Variants in SI observed in about 807,000 individuals in gnomAD.
SI encodes the protein sucrase-isomaltase, intestinal.
SI carries 235 observed loss-of-function variants against 253.3 expected under a neutral mutation model. That is an observed-to-expected ratio of 0.93 (90% confidence interval 0.83 to 1.03). The LOEUF is 1.03. Among genes scored for constraint, SI ranks in the 50% least tolerant of loss-of-function variants. The probability of loss-of-function intolerance (pLI) is 0.00; values close to 1 mark genes in which losing one functional copy is unlikely to be tolerated. For missense variants in SI, 2,442 were observed against 2,211.1 expected (o/e 1.10, Z -2.09); for synonymous variants, 819 against 712.0 (o/e 1.15, Z -2.39).
In SI at chr3:164,989,371, AG is replaced by A. The variant is rs1355794690; in HGVS notation, c.5108+1981del. On this transcript the variant is annotated intron_variant, in intron 44 of 47. Coordinates refer to ENST00000264382, the MANE Select transcript of SI (RefSeq NM_001041.4). Reference sequence around the variant, plus strand: ...AGAGAAAGAAGAAAGAAAGAAAGAAAGGAAGAAAGAAAGAAAGGAAGAAAGA... The same window carrying A: ...AGAGAAAGAAGAAAGAAAGAAAGAAAGAAGAAAGAAAGAAAGGAAGAAAGA... Among the ~76,000 whole-genome samples, 691 of 120,296 alleles carry A rather than the reference AG, an allele frequency of 5.7e-3. 4 individuals carry two copies. Among genetic ancestry groups the A allele is most frequent in the African/African-American group, 0.021 (645 of 30,922 alleles). The allele number at this position is 120,296 out of a possible 152,430, so 78.9% of individuals were successfully genotyped here. A position where few individuals can be genotyped will look rare whatever the true frequency, so the allele number is the denominator to read the frequency against.
upstream of SI, among the ~76,000 whole-genome samples, chr3:165,080,939 A>C (rs896503058): frequency 1.3e-5 from 2 of 151,940 alleles, no homozygotes; most frequent in Non-Finnish European, 2.9e-5. Flanking sequence ...CAGAAAAAAA[A>C]AACTTTGTGT....
In SI at chr3:165,055,399, AAAT is replaced by A; in HGVS notation, c.1399-95_1399-93del. On this transcript the variant is annotated intron_variant, in intron 12 of 47. Transcript: ENST00000264382. ...TAATAAAGTTGAGAATAGTAAAAAA[AAAT>A]AAAGTTATTCTACTTCTTTAGGTAT... The A allele has an allele frequency of 4.1e-6, 3 of 738,154 alleles. No individual in the cohort carries two copies. The East Asian group carries it at 8.3e-5, about 20-fold the overall frequency. 45.7% of individuals were successfully genotyped at this position (738,154 alleles called of 1,614,324 possible).
rs556319188 is a variant in SI, at chr3:165,042,865, C to T, written c.2004+194G>A. Among the ~76,000 whole-genome samples the T allele has an allele frequency of 1.6e-4, 25 of 152,050 alleles. No individual in the cohort carries two copies. In the South Asian group the frequency reaches 5.2e-3, roughly 32 times the overall value. On this transcript the variant is annotated intron_variant, in intron 17 of 47. Coordinates refer to ENST00000264382, the MANE Select transcript of SI (RefSeq NM_001041.4). ...TGAATACATTGCATTTCATGATTTC[C>T]TTATTTGACCGTTTTTTAAAAAATG...
At position 165,032,696 on chromosome 3, in the gene SI, A is replaced by G. The variant is rs369758753; in HGVS notation, c.2566-4T>C. ...TGCACACAATATCTAATGTGTTCTGAGAAAAATAGTATAAGATATTATATA... is the reference window on the plus strand; with the variant it reads ...TGCACACAATATCTAATGTGTTCTGGGAAAAATAGTATAAGATATTATATA... On this transcript the variant is annotated splice_polypyrimidine_tract_variant and splice_region_variant and intron_variant, in intron 23 of 47. Transcript: ENST00000264382. The G allele has an allele frequency of 2.0e-5, 32 of 1,574,724 alleles. No homozygotes were observed. The highest frequency in any genetic ancestry group is 8.4e-5 in the Admixed American group (5 of 59,412).
intron 5 of SI, among the ~76,000 whole-genome samples, chr3:165,068,518 C>T (rs1714373063): frequency 6.6e-6 from 1 of 152,084 alleles, no homozygotes; most frequent in Non-Finnish European, 1.5e-5. Flanking sequence ...GGATTACAGG[C>T]GCCCGCCACC....
intron 13 of SI, among the ~76,000 whole-genome samples, chr3:165,054,393 CAG>C (rs1310733138): frequency 6.6e-6 from 1 of 151,976 alleles, no homozygotes; most frequent in Non-Finnish European, 1.5e-5. Flanking sequence ...TTTTCTGAGA[CAG>C]AGTTTCACTC....
chr3:165,007,822 GCTAA>G (rs1279678377), intron 36 of SI, 85 bp downstream of exon 36: 2 of 452,336 alleles, frequency 4.4e-6, no homozygotes, highest in Non-Finnish European at 8.1e-6. Context: ...TCTATGTATA[GCTAA>G]CTGATATATA....
chr3:165,086,055 A>G, the SI span, among the ~76,000 whole-genome samples: 1 of 152,060 alleles, frequency 6.6e-6, no homozygotes, highest in Non-Finnish European at 1.5e-5. Flanking sequence ...GGAGTTCGAG[A>G]CCAGCCTAGT....
chr3:165,083,597 G>T, the SI span, among the ~76,000 whole-genome samples: 3 of 151,886 alleles, frequency 2.0e-5, no homozygotes, highest in Non-Finnish European at 4.4e-5. Flanking sequence ...CTTTTCATTA[G>T]AGTAGCTTGT....
chr3:165,038,167 A>ATT lies in SI; in HGVS notation c.2302-145_2302-144dup. 4 of 669,838 alleles carry ATT rather than the reference A, an allele frequency of 6.0e-6. No individual in the cohort carries two copies. The South Asian group carries it at 7.8e-5, about 13-fold the overall frequency. The allele number at this position is 669,838 out of a possible 1,614,324, so 41.5% of individuals were successfully genotyped here. ...TATATTGTTTTCTAACTTTAGGAGA[A>ATT]TTTTTTTTTTCAGTTTGCTGAACAA... On this transcript the variant is annotated intron_variant, in intron 20 of 47. Coordinates refer to ENST00000264382, the MANE Select transcript of SI (RefSeq NM_001041.4).
intron 25 of SI, among the ~76,000 whole-genome samples, chr3:165,025,388 G>A (rs956297830): frequency 1.3e-5 from 2 of 151,094 alleles, no homozygotes; most frequent in African/African-American, 2.4e-5. Context: ...TGGTGTTCCT[G>A]AGGAAGAAGG....
At chr3:165,050,300 A>G (rs1713361572) in intron 13 of SI, among the ~76,000 whole-genome samples, 2 of 152,122 alleles carry the variant, frequency 1.3e-5, no homozygotes, top group African/African-American at 4.8e-5. Flanking sequence ...TTGCCTACCA[A>G]CAGCTCCTAT....
At chr3:164,980,192 T>C (rs2108104615) in intron 47 of SI, among the ~76,000 whole-genome samples, 1 of 152,018 alleles carries the variant, frequency 6.6e-6, no homozygotes, top group African/African-American at 2.4e-5. Flanking sequence ...TTATAAAATT[T>C]AATCTTCCTT....
At chr3:165,048,983 A>G (rs1475665516) in intron 15 of SI, 144 bp downstream of exon 15, 2 of 662,618 alleles carry the variant, frequency 3.0e-6, no homozygotes, top group Non-Finnish European at 5.5e-6. Context: ...GATATTTTGA[A>G]TGCCATAACT....
chr3:165,090,020 A>G, the SI span, among the ~76,000 whole-genome samples: 1 of 152,120 alleles, frequency 6.6e-6, no homozygotes, highest in Non-Finnish European at 1.5e-5. Flanking sequence ...TGGGAATTGC[A>G]ATAGACAATG....
At chr3:165,047,050 T>C in intron 15 of SI, 38 bp from the exon 16 acceptor site, 1 of 1,452,320 alleles carries the variant, frequency 6.9e-7, no homozygotes, top group Non-Finnish European at 9.4e-7. Context: ...CAATTTATTT[T>C]AAAAAATAAA....
rs746741435 is a variant in SI at position 165,009,411 on chromosome 3, T to G, written c.4063-16A>C. On this transcript the variant is annotated splice_polypyrimidine_tract_variant and intron_variant, in intron 34 of 47. Transcript: ENST00000264382. ...CTCTGGAAGCCTGTAAAACCAAAAT[T>G]TAGGCTCACATGTGGAAAGTCTTAA... is the stretch of plus-strand genomic sequence containing the variant. 1.4e-6 allele frequency: 2 copies of G among 1,424,750 alleles called. No individual in the cohort carries two copies. The allele number at this position is 1,424,750 out of a possible 1,614,324, so 88.3% of individuals were successfully genotyped here.
At chr3:164,994,473 T>C (rs1717920324) in intron 40 of SI, 68 bp from the exon 41 acceptor site, 1 of 1,523,894 alleles carries the variant, frequency 6.6e-7, no homozygotes, top group Admixed American at 1.7e-5. Context: ...TTCATATTCA[T>C]ATTTGAAGAA....
Position 165,045,675 on chromosome 3 carries a change from T to A in SI, c.1887+1166A>T, listed in dbSNP as rs1323553724. Among the ~76,000 whole-genome samples, 6 of 152,060 alleles carry A rather than the reference T, an allele frequency of 3.9e-5. No homozygotes were observed. In the South Asian group the frequency reaches 8.3e-4, roughly 21 times the overall value. Reference sequence around the variant, plus strand: ...TGCACTTCACTCACTGTTCAGCGTTTCTTTCTTTTTAAGTATTTAAATCAG... The same window carrying A: ...TGCACTTCACTCACTGTTCAGCGTTACTTTCTTTTTAAGTATTTAAATCAG... On this transcript the variant is annotated intron_variant, in intron 16 of 47. Transcript: ENST00000264382.
Sources: allele counts gnomAD v4.1 joint callset (sites outside exome capture counted in the v4.1 genomes callset), GRCh38; gene constraint gnomAD v4.1.1; transcripts MANE v1.5; gene names NCBI Gene and HGNC (gene_info 2026-07-23, HGNC 2026-07-21).